Variants in ZFAT observed in about 807,000 individuals in gnomAD.
The protein encoded by ZFAT is zinc finger protein ZFAT.
Under a neutral mutation model 117.7 loss-of-function variants are expected in ZFAT, and 64 were observed. That is an observed-to-expected ratio of 0.54 (90% CI 0.44 to 0.67). The LOEUF is 0.67. Among genes scored for constraint, ZFAT ranks in the 30% least tolerant of loss-of-function variants. The probability of loss-of-function intolerance (pLI) is 0.00; values close to 1 mark genes in which losing one functional copy is unlikely to be tolerated. For synonymous variants in ZFAT, 679 were observed against 615.0 expected, an observed-to-expected ratio of 1.10 and a Z score of -1.54; for missense variants, 1,433 against 1,584.5, an observed-to-expected ratio of 0.90 and a Z score of 1.62.
intron 10 of ZFAT, among the ~76,000 whole-genome samples, chr8:134,575,904 T>C (rs1586738554): frequency 6.6e-6 from 1 of 152,196 alleles, no homozygotes; most frequent in Non-Finnish European, 1.5e-5. Flanking sequence ...GCAATAAAAA[T>C]ACAGTTAAAG....
chr8:134,804,737 T>G, the ZFAT span: 1 of 374,194 alleles, frequency 2.7e-6, no homozygotes, highest in East Asian at 7.3e-5. Context: ...CACCCTACAT[T>G]CAACTATCAT....
chr8:134,700,964 G>A (rs1179316969), intron 1 of ZFAT, among the ~76,000 whole-genome samples: 1 of 152,172 alleles, frequency 6.6e-6, no homozygotes, highest in Non-Finnish European at 1.5e-5. Flanking sequence ...AGCTTCCGGT[G>A]CCTCTTCAGT....
At chr8:134,736,419 C>T in the ZFAT span, among the ~76,000 whole-genome samples, 1 of 152,158 alleles carries the variant, frequency 6.6e-6, no homozygotes, top group Non-Finnish European at 1.5e-5. Context: ...CCCTGCCTGC[C>T]ATCTGACAGC....
chr8:134,618,913 A>T (rs1828921282), intron 3 of ZFAT, among the ~76,000 whole-genome samples: 1 of 152,228 alleles, frequency 6.6e-6, no homozygotes, highest in African/African-American at 2.4e-5. Context: ...TGGAGTTTAC[A>T]TGCTAGTGAG....
intron 15 of ZFAT, among the ~76,000 whole-genome samples, chr8:134,484,484 G>A (rs563072209): frequency 3.3e-5 from 5 of 152,288 alleles, no homozygotes; most frequent in East Asian, 1.9e-4. Flanking sequence ...TAGGGAAGAC[G>A]GTGCATTGTC....
intron 11 of ZFAT, among the ~76,000 whole-genome samples, chr8:134,535,420 C>T (rs1821755744): frequency 6.6e-6 from 1 of 151,902 alleles, no homozygotes; most frequent in African/African-American, 2.4e-5. Context: ...TCTTACTATT[C>T]AACTGATCAC....
chr8:134,527,741 AG>A (rs1341309302), intron 12 of ZFAT, among the ~76,000 whole-genome samples: 2 of 152,192 alleles, frequency 1.3e-5, no homozygotes, highest in Non-Finnish European at 2.9e-5. Context: ...AAAGAGCAAA[AG>A]GGAAAATGCA....
intron 11 of ZFAT, among the ~76,000 whole-genome samples, chr8:134,536,364 G>A (rs1387070621): frequency 6.6e-6 from 1 of 152,174 alleles, no homozygotes; most frequent in Non-Finnish European, 1.5e-5. Flanking sequence ...CCTTTTCACT[G>A]CTGACCAGTG....
the ZFAT span, among the ~76,000 whole-genome samples, chr8:134,762,363 A>G: frequency 6.6e-6 from 1 of 152,184 alleles, no homozygotes; most frequent in African/African-American, 2.4e-5. Flanking sequence ...ACTCTAAGCC[A>G]TCTTTCTTTC....
chr8:134,740,934 G>T, the ZFAT span, among the ~76,000 whole-genome samples: 2 of 152,198 alleles, frequency 1.3e-5, no homozygotes, highest in African/African-American at 4.8e-5. Flanking sequence ...CTTTGAATAT[G>T]TTTTTGAGAG....
chr8:134,619,971 G>T (rs1829001671), intron 3 of ZFAT, among the ~76,000 whole-genome samples: 1 of 152,190 alleles, frequency 6.6e-6, no homozygotes, highest in Non-Finnish European at 1.5e-5. Context: ...AGGAGCAGAA[G>T]TTTAGAAAGA....
At position 134,478,726 on chromosome 8, in the gene ZFAT, G is replaced by T; in HGVS notation, c.3493-5C>A. 1.3e-6 allele frequency: 2 copies of T among 1,552,070 alleles called. No individual in the cohort carries two copies. Among genetic ancestry groups the T allele is most frequent in the East Asian group, 2.4e-5 (1 of 41,138 alleles). ...GCTGGGCTCCTCCTCGGTGACCTGC[G>T]GGAGGAGGGCAAGAGAAAGGTCACC... On this transcript the variant is annotated splice_polypyrimidine_tract_variant and splice_region_variant and intron_variant, in intron 15 of 15. Coordinates refer to ENST00000377838, the MANE Select transcript of ZFAT (RefSeq NM_020863.4). The surrounding 1 kb of genome is among the most constrained non-coding windows in gnomAD (Gnocchi z 5.2).
At chr8:134,536,998 C>T (rs565573455) in intron 11 of ZFAT, among the ~76,000 whole-genome samples, 1 of 152,314 alleles carries the variant, frequency 6.6e-6, no homozygotes, top group South Asian at 2.1e-4. Context: ...ACAGGGAGCC[C>T]ATTAGCATAG....
chr8:134,684,496 G>A (rs1586947971), intron 1 of ZFAT, among the ~76,000 whole-genome samples: 1 of 152,116 alleles, frequency 6.6e-6, no homozygotes, highest in African/African-American at 2.4e-5. Context: ...ATTCAAGACC[G>A]AGATCAAGGC....
At chr8:134,538,909 A>G (rs1007493216) in intron 11 of ZFAT, among the ~76,000 whole-genome samples, 1 of 151,922 alleles carries the variant, frequency 6.6e-6, no homozygotes, top group African/African-American at 2.4e-5. Context: ...TTAAGTCCTT[A>G]TTTTTATGTC....
chr8:134,639,028 GCT>G (rs1214732470), intron 2 of ZFAT, among the ~76,000 whole-genome samples: 1 of 152,180 alleles, frequency 6.6e-6, no homozygotes, highest in Non-Finnish European at 1.5e-5. Context: ...GTCCCTTCCT[GCT>G]CTCTCTAAAG....
At chr8:134,759,271 C>T in the ZFAT span, among the ~76,000 whole-genome samples, 1 of 152,164 alleles carries the variant, frequency 6.6e-6, no homozygotes, top group African/African-American at 2.4e-5. Context: ...GCAGATCCAG[C>T]AAGAGGGACT....
Position 134,566,166 on chromosome 8 carries a change from G to A in ZFAT, c.2888-745C>T, listed in dbSNP as rs10093432. 9.9e-3 allele frequency among the ~76,000 whole-genome samples: 1,507 copies of A among 152,160 alleles called. 10 individuals are homozygous for A. Among genetic ancestry groups the A allele is most frequent in the Middle Eastern group, 0.034 (10 of 294 alleles). ...TCCCAGCACTTTGGGAGGCCGAGAT[G>A]GGCAGATCACGAGGTCAGGAGATCG... On this transcript the variant is annotated intron_variant, in intron 10 of 15. Transcript: ENST00000377838.
intron 2 of ZFAT, among the ~76,000 whole-genome samples, chr8:134,642,239 C>G (rs1250221003): frequency 6.6e-6 from 1 of 152,178 alleles, no homozygotes; most frequent in Non-Finnish European, 1.5e-5. Flanking sequence ...TCACATACCC[C>G]TGAAGCATGG....
Sources: gnomAD v4.1 joint callset for allele counts (sites outside exome capture counted in the v4.1 genomes callset) on GRCh38, gnomAD v4.1.1 for gene constraint, Gnocchi (gnomAD v3.1) non-coding constraint, MANE v1.5 for transcripts, NCBI Gene and HGNC (gene_info 2026-07-23, HGNC 2026-07-21) for gene names.